The following ADAMTS19 variants were observed in gnomAD, a reference collection of about 807,000 sequenced individuals.
ADAMTS19 encodes the protein ADAM metallopeptidase with thrombospondin type 1 motif 19, also known as A disintegrin and metalloproteinase with thrombospondin motifs 19.
ADAMTS19 carries 93 observed loss-of-function variants against 153.3 expected under a neutral mutation model. That is an observed-to-expected ratio of 0.61 (90% CI 0.51 to 0.72). The LOEUF (loss-of-function observed/expected upper bound fraction) is 0.72, where lower values mean the gene tolerates loss of function less well. Ranked by LOEUF, ADAMTS19 falls within the 30% of genes least tolerant of loss-of-function variation. The pLI is 0.00. For synonymous variants in ADAMTS19, 600 were observed against 556.6 expected (o/e 1.08, Z -1.10); for missense variants, 1,482 against 1,552.1 (o/e 0.95, Z 0.76).
Position 129,648,931 on chromosome 5 carries a change from C to T in ADAMTS19, c.2137C>T (p.Pro713Ser). The T allele has an allele frequency of 5.0e-6, 8 of 1,612,346 alleles. No homozygotes were observed. Among genetic ancestry groups the T allele is most frequent in the South Asian group, 3.3e-5 (3 of 90,796 alleles). The change falls in exon 13 of 23, where the codon CCA becomes TCA. Residue 713 changes from proline to serine, a missense_variant. Physicochemically the swap from Pro to Ser is moderately conservative, Grantham distance 74 (BLOSUM62 -1). Transcript: ENST00000274487. ...GGCTTATAGTGTTAGAACTTCCTCC[C>T]CAAAGCATATACTTCAGTGGCAAGC... ...CQAYSVRTSS[P>S]KHILQWQAVL...
chr5:129,704,131 TG>T, intron 20 of ADAMTS19, 107 bp from the exon 21 acceptor site: 3 of 1,141,576 alleles, frequency 2.6e-6, no homozygotes, highest in Middle Eastern at 2.1e-4. Context: ...CTGGCTTTTA[TG>T]GGTGATGGGC....
At position 129,461,489 on chromosome 5, in the gene ADAMTS19, C is replaced by G; in HGVS notation, c.479C>G (p.Pro160Arg). Residue 160 changes from proline to arginine, a missense_variant, in exon 2 of 23, where the codon CCG becomes CGG. By Grantham distance (103) the Pro-to-Arg change is moderately radical. Around this residue, in one of 2 missense-constraint regions of ADAMTS19, gnomAD observed 866 missense variants for 827.7 expected, o/e 1.05. Coordinates refer to ENST00000274487, the MANE Select transcript of ADAMTS19 (RefSeq NM_133638.6). This position sits in a 1 kb window ranked among gnomAD's most constrained non-coding sequence, Gnocchi z 4.6. Reference protein sequence around the residue: ...PPPQPPPSPPPAQHAEPDGDE... With the variant: ...PPPQPPPSPPRAQHAEPDGDE... The stretch of plus-strand genomic sequence containing the variant: ...CCGCAGCCGCCCCCGTCCCCGCCCC[C>G]GGCCCAGCATGCCGAGCCGGATGGC... 4.0e-6 allele frequency: 6 copies of G among 1,492,120 alleles called. No individual in the cohort carries two copies. The highest frequency in any genetic ancestry group is 5.3e-6 in the Non-Finnish European group (6 of 1,130,192). The allele number at this position is 1,492,120 out of a possible 1,614,324, so 92.4% of individuals were successfully genotyped here. A position where few individuals can be genotyped will look rare whatever the true frequency, so the allele number is the denominator to read the frequency against.
At chr5:129,599,684 G>T (rs1750553364) in intron 8 of ADAMTS19, among the ~76,000 whole-genome samples, 1 of 152,110 alleles carries the variant, frequency 6.6e-6, no homozygotes, top group Non-Finnish European at 1.5e-5. Context: ...AAAACTAAAT[G>T]AGGTAATTTA....
chr5:129,550,791 C>G lies in ADAMTS19; in HGVS notation c.1329-1073C>G, dbSNP rs564155421. The stretch of plus-strand genomic sequence containing the variant: ...TTTTTAAAAGGATAATTTTACATTT[C>G]TCATTTATGTACACACAAAAAGCCT... On this transcript the variant is annotated intron_variant, in intron 6 of 22. Transcript: ENST00000274487. Among the ~76,000 whole-genome samples the G allele has an allele frequency of 2.8e-4, 43 of 151,340 alleles. No homozygotes were observed. The South Asian group carries it at 4.8e-3, about 17-fold the overall frequency.
chr5:129,727,923 A>C (rs2127213271), intron 21 of ADAMTS19, among the ~76,000 whole-genome samples: 1 of 152,186 alleles, frequency 6.6e-6, no homozygotes, highest in South Asian at 2.1e-4. Context: ...CATTCCCAGG[A>C]GGTTAAGGCA....
chr5:129,729,899 G>A (rs1757363818), intron 21 of ADAMTS19, among the ~76,000 whole-genome samples: 1 of 152,036 alleles, frequency 6.6e-6, no homozygotes, highest in African/African-American at 2.4e-5. Flanking sequence ...CTAATTATGG[G>A]CCTCTTTGAA....
intron 7 of ADAMTS19, among the ~76,000 whole-genome samples, chr5:129,594,221 GA>G (rs1389613678): frequency 6.6e-6 from 1 of 152,122 alleles, no homozygotes; most frequent in East Asian, 1.9e-4. Flanking sequence ...TTTATGTGGG[GA>G]AAGTATAATA....
chr5:129,683,517 C>T (rs1001896525), intron 17 of ADAMTS19, among the ~76,000 whole-genome samples: 1 of 151,922 alleles, frequency 6.6e-6, no homozygotes, highest in Non-Finnish European at 1.5e-5. Flanking sequence ...AAATCAGTAA[C>T]CTTGCTTGCT....
chr5:129,608,116 G>GTGTGTGTGTATATATATATA lies in ADAMTS19; in HGVS notation c.1478+11453_1478+11454insGTGTGTGTATATATATATAT, dbSNP rs377008786. ...TGTGTGTGTGTGTGTGTGTGTGTGT[G>GTGTGTGTGTATATATATATA]TATATATATATATATATATATATAA... On this transcript the variant is annotated intron_variant, in intron 8 of 22. Coordinates refer to ENST00000274487, the MANE Select transcript of ADAMTS19 (RefSeq NM_133638.6). 7.2e-3 allele frequency among the ~76,000 whole-genome samples: 346 copies of GTGTGTGTGTATATATATATA among 47,838 alleles called. 11 individuals carry two copies. Among genetic ancestry groups the GTGTGTGTGTATATATATATA allele is most frequent in the Non-Finnish European group, 0.014 (280 of 20,036 alleles). The allele number at this position is 47,838 out of a possible 152,430, so 31.4% of individuals were successfully genotyped here. A position where few individuals can be genotyped will look rare whatever the true frequency, so the allele number is the denominator to read the frequency against.
chr5:129,654,453 A>T lies in ADAMTS19; in HGVS notation c.2304+20A>T. The stretch of plus-strand genomic sequence containing the variant: ...TGCCAGGTAAGACATTCCAAAAAAA[A>T]AAAGAATTTATATGTTGAAGGAAAA... On this transcript the variant is annotated intron_variant, in intron 14 of 22. Coordinates refer to ENST00000274487, the MANE Select transcript of ADAMTS19 (RefSeq NM_133638.6). The T allele has an allele frequency of 1.3e-6, 2 of 1,598,520 alleles. No individual in the cohort carries two copies. Among genetic ancestry groups the T allele is most frequent in the Non-Finnish European group, 1.7e-6 (2 of 1,177,016 alleles).
intron 18 of ADAMTS19, chr5:129,688,023 A>G (rs1464120453): frequency 1.3e-5 from 2 of 152,100 alleles, no homozygotes; most frequent in Non-Finnish European, 2.9e-5. Context: ...GATTATCTCT[A>G]TGTTAATGGG....
At chr5:129,709,293 T>C (rs1475680488) in intron 21 of ADAMTS19, among the ~76,000 whole-genome samples, 1 of 152,104 alleles carries the variant, frequency 6.6e-6, no homozygotes, top group African/African-American at 2.4e-5. Context: ...CTACAATAAA[T>C]TGTTTTCTCA....
intron 21 of ADAMTS19, among the ~76,000 whole-genome samples, chr5:129,733,962 T>C (rs1283575808): frequency 8.1e-4 from 103 of 126,934 alleles, no homozygotes; most frequent in African/African-American, 4.1e-3. Context: ...TGTGTGTGTG[T>C]GTGTGTGTGT....
At chr5:129,508,584 T>C (rs539833088) in intron 2 of ADAMTS19, among the ~76,000 whole-genome samples, 5 of 152,084 alleles carry the variant, frequency 3.3e-5, no homozygotes, top group Admixed American at 3.3e-4. Context: ...TTAAAATACG[T>C]AGTAGAAGAC....
chr5:129,736,442 A>G (rs1373890448), intron 22 of ADAMTS19, among the ~76,000 whole-genome samples: 1 of 152,090 alleles, frequency 6.6e-6, no homozygotes, highest in Admixed American at 6.6e-5. Context: ...ACACTGTTTT[A>G]CAAAAAGGGA....
chr5:129,683,864 T>C (rs1754941675), intron 17 of ADAMTS19, among the ~76,000 whole-genome samples: 1 of 149,836 alleles, frequency 6.7e-6, no homozygotes, highest in African/African-American at 2.5e-5. Context: ...TCAAATGAGC[T>C]TTTCTTAAGA....
chr5:129,530,213 T>C (rs1198208929), intron 6 of ADAMTS19, among the ~76,000 whole-genome samples: 2 of 152,298 alleles, frequency 1.3e-5, no homozygotes, highest in African/African-American at 4.8e-5. Context: ...ATGTGACCCA[T>C]GGTCAGGGAA....
chr5:129,668,656 TG>T (rs34607570), intron 16 of ADAMTS19, among the ~76,000 whole-genome samples: 8 of 151,596 alleles, frequency 5.3e-5, no homozygotes, highest in Admixed American at 1.3e-4. Context: ...ATATAAATTA[TG>T]GGGGGGGACA....
chr5:129,493,154 G>A (rs994969945), intron 2 of ADAMTS19, among the ~76,000 whole-genome samples: 5 of 152,046 alleles, frequency 3.3e-5, no homozygotes, highest in African/African-American at 4.8e-5. Flanking sequence ...ATTTCCCAGA[G>A]GGCACTGATT....
Sources: gnomAD v4.1 joint callset for allele counts (sites outside exome capture counted in the v4.1 genomes callset) on GRCh38, gnomAD v4.1.1 for gene constraint, gnomAD v4.1.1 regional missense constraint, Gnocchi (gnomAD v3.1) non-coding constraint, MANE v1.5 for transcripts, NCBI Gene and HGNC (gene_info 2026-07-23, HGNC 2026-07-21) for gene names.